HS6ST3: variants seen among roughly 807,000 people sequenced by gnomAD.
HS6ST3 encodes the protein heparan sulfate 6-O-sulfotransferase 3.
A neutral mutation model predicts 36.7 loss-of-function variants in HS6ST3; 12 were observed. That is an observed-to-expected ratio of 0.33 (90% CI 0.21 to 0.53). The LOEUF (loss-of-function observed/expected upper bound fraction) is 0.53. Ranked by LOEUF, HS6ST3 falls within the 20% of genes least tolerant of loss-of-function variation. The pLI is 0.95. For synonymous variants in HS6ST3, 240 were observed against 257.5 expected (o/e 0.93, Z 0.65); for missense variants, 584 against 640.9 (o/e 0.91, Z 0.96).
In HS6ST3 at chr13:96,230,480, A is replaced by G. The variant is rs141545348; in HGVS notation, c.707+138911A>G. Among the ~76,000 whole-genome samples, 68 of 152,234 alleles carry G rather than the reference A, an allele frequency of 4.5e-4. 1 individual carries two copies. The East Asian group carries it at 0.012, about 26-fold the overall frequency. On this transcript the variant is annotated intron_variant, in intron 1 of 1. Coordinates refer to ENST00000376705, the MANE Select transcript of HS6ST3 (RefSeq NM_153456.4). ...GTGTAACTATTCAGATCCTAGATGA[A>G]ATATGGGTCTGGAGATGCAGACTTG...
At chr13:96,206,960 C>A (rs758545906) in intron 1 of HS6ST3, among the ~76,000 whole-genome samples, 1 of 151,838 alleles carries the variant, frequency 6.6e-6, no homozygotes, top group African/African-American at 2.4e-5. Flanking sequence ...TTGACAAATG[C>A]GATCTAATTA....
chr13:96,546,245 AG>A (rs2138945443), intron 1 of HS6ST3, among the ~76,000 whole-genome samples: 1 of 152,206 alleles, frequency 6.6e-6, no homozygotes, highest in Non-Finnish European at 1.5e-5. Context: ...CAGAACCTTT[AG>A]GAGTGGAACC....
intron 1 of HS6ST3, among the ~76,000 whole-genome samples, chr13:96,284,944 TTTC>T (rs2054794464): frequency 6.6e-6 from 1 of 151,218 alleles, no homozygotes; most frequent in Non-Finnish European, 1.5e-5. Context: ...TCTTTCTTTC[TTTC>T]TTTCTTTCTT....
intron 1 of HS6ST3, among the ~76,000 whole-genome samples, chr13:96,367,908 T>C (rs1478766372): frequency 6.6e-6 from 1 of 152,206 alleles, no homozygotes; most frequent in East Asian, 1.9e-4. Context: ...TGAGCAGCGT[T>C]CTTTCAACAA....
At chr13:96,819,391 G>A (rs574126425) in intron 1 of HS6ST3, among the ~76,000 whole-genome samples, 12 of 152,212 alleles carry the variant, frequency 7.9e-5, no homozygotes, top group African/African-American at 1.2e-4. Flanking sequence ...ATACCAGAAG[G>A]CATATCCATA....
At chr13:96,646,683 G>C (rs523268) in intron 1 of HS6ST3, among the ~76,000 whole-genome samples, 1 of 151,664 alleles carries the variant, frequency 6.6e-6, no homozygotes, top group African/African-American at 2.4e-5. Flanking sequence ...CCTTTATGCC[G>C]ATGAAAGTGG....
chr13:96,332,202 C>T (rs1002076850), intron 1 of HS6ST3, among the ~76,000 whole-genome samples: 1 of 152,180 alleles, frequency 6.6e-6, no homozygotes, highest in African/African-American at 2.4e-5. Flanking sequence ...ATCTTGGCTC[C>T]TCCCCCCATT....
At chr13:96,599,417 G>A (rs1390165588) in intron 1 of HS6ST3, among the ~76,000 whole-genome samples, 11 of 151,888 alleles carry the variant, frequency 7.2e-5, no homozygotes, top group Non-Finnish European at 1.2e-4. Context: ...ATTCCCTAGT[G>A]TGCACGTATA....
intron 1 of HS6ST3, among the ~76,000 whole-genome samples, chr13:96,399,002 C>A (rs899596563): frequency 2.6e-5 from 4 of 152,158 alleles, no homozygotes; most frequent in African/African-American, 9.7e-5. Context: ...CTTTTGAGAC[C>A]CTGAGCACAG....
rs377112513 is a variant in HS6ST3 at position 96,368,502 on chromosome 13, CT to C, written c.707+276943del. On this transcript the variant is annotated intron_variant, in intron 1 of 1. Coordinates refer to ENST00000376705, the MANE Select transcript of HS6ST3 (RefSeq NM_153456.4). ...TAGCCAGCAAGCCTGATATTCAGAGCTTTTTTTTTTAAAAAAAAAACATAAT... is the reference window on the plus strand; with the variant it reads ...TAGCCAGCAAGCCTGATATTCAGAGCTTTTTTTTTAAAAAAAAAACATAAT... Among the ~76,000 whole-genome samples the C allele has an allele frequency of 2.1e-4, 30 of 141,642 alleles. 1 individual carries two copies. The highest frequency in any genetic ancestry group is 1.0e-3 in the East Asian group (5 of 4,992). 92.9% of individuals were successfully genotyped at this position (141,642 alleles called of 152,430 possible). A position where few individuals can be genotyped will look rare whatever the true frequency, so the allele number is the denominator to read the frequency against.
intron 1 of HS6ST3, among the ~76,000 whole-genome samples, chr13:96,425,737 C>A (rs1053759899): frequency 2.6e-5 from 4 of 151,978 alleles, no homozygotes; most frequent in East Asian, 1.9e-4. Flanking sequence ...CTCTACTAAC[C>A]CCAGACCGTC....
At chr13:96,652,668 C>T (rs765873593) in intron 1 of HS6ST3, among the ~76,000 whole-genome samples, 13 of 152,022 alleles carry the variant, frequency 8.6e-5, no homozygotes, top group Non-Finnish European at 1.6e-4. Flanking sequence ...TTGTATGTCT[C>T]TATGAATGGA....
intron 1 of HS6ST3, among the ~76,000 whole-genome samples, chr13:96,364,983 A>C (rs1169508789): frequency 6.6e-6 from 1 of 152,346 alleles, no homozygotes; most frequent in South Asian, 2.1e-4. Flanking sequence ...CTAATACAGA[A>C]TTGCCAAGGG....
At chr13:96,765,119 TGC>T (rs1877070640) in intron 1 of HS6ST3, among the ~76,000 whole-genome samples, 1 of 142,906 alleles carries the variant, frequency 7.0e-6, no homozygotes, top group Non-Finnish European at 1.5e-5. Flanking sequence ...CACGCCGGAC[TGC>T]GGACTGCAGT....
At chr13:96,737,482 G>A (rs1876313280) in intron 1 of HS6ST3, among the ~76,000 whole-genome samples, 3 of 150,708 alleles carry the variant, frequency 2.0e-5, no homozygotes, top group Non-Finnish European at 4.4e-5. Context: ...AAAATTAGCC[G>A]GGCGCGGTGG....
chr13:96,358,916 C>A (rs9556572), intron 1 of HS6ST3, among the ~76,000 whole-genome samples: 10 of 146,806 alleles, frequency 6.8e-5, no homozygotes, highest in Admixed American at 2.7e-4. Flanking sequence ...ATCTATCTAT[C>A]TAGAGAGAGA....
intron 1 of HS6ST3, among the ~76,000 whole-genome samples, chr13:96,350,176 G>A (rs1223847076): frequency 6.6e-6 from 1 of 152,144 alleles, no homozygotes; most frequent in Non-Finnish European, 1.5e-5. Context: ...CATTAAGCCA[G>A]GCTACTGAAA....
chr13:96,364,024 G>A (rs968378595), intron 1 of HS6ST3, among the ~76,000 whole-genome samples: 7 of 152,020 alleles, frequency 4.6e-5, no homozygotes, highest in Admixed American at 3.3e-4. Flanking sequence ...TAAGTTGAAT[G>A]AGTCTAAAAT....
intron 1 of HS6ST3, among the ~76,000 whole-genome samples, chr13:96,698,108 A>G (rs1875182183): frequency 6.6e-6 from 1 of 152,054 alleles, no homozygotes. Flanking sequence ...GGTTTGTTAC[A>G]TATGTATACA....
Sources: gnomAD v4.1 joint callset for allele counts (sites outside exome capture counted in the v4.1 genomes callset) on GRCh38, gnomAD v4.1.1 for gene constraint, MANE v1.5 for transcripts, NCBI Gene and HGNC (gene_info 2026-07-23, HGNC 2026-07-21) for gene names.